RGS7: variants seen among roughly 807,000 people sequenced by gnomAD.
RGS7 encodes regulator of G protein signaling 7, also known as regulator of G-protein signaling 7.
In RGS7, 27 loss-of-function variants were observed where a neutral mutation model predicts 81.1. The observed-to-expected ratio is 0.33, with a 90% CI of 0.25 to 0.46. RGS7 has a LOEUF of 0.46. RGS7 is among the 20% of genes least tolerant of loss of function. The probability of loss-of-function intolerance (pLI) is 1.00; values close to 1 mark genes in which losing one functional copy is unlikely to be tolerated. For missense variants in RGS7, 396 were observed against 607.4 expected, an observed-to-expected ratio of 0.65 and a Z score of 3.66; for synonymous variants, 208 against 207.7, an observed-to-expected ratio of 1.00 and a Z score of -0.01.
At chr1:240,927,191 C>G (rs1674598675) in intron 6 of RGS7, among the ~76,000 whole-genome samples, 1 of 152,094 alleles carries the variant, frequency 6.6e-6, no homozygotes, top group African/African-American at 2.4e-5. Flanking sequence ...CTCGGCCTCC[C>G]AAGTAGCTGG....
intron 2 of RGS7, among the ~76,000 whole-genome samples, chr1:241,217,124 TA>T (rs764887239): frequency 4.6e-5 from 7 of 152,246 alleles, no homozygotes; most frequent in Middle Eastern, 3.4e-3. Flanking sequence ...AATGAGGTCA[TA>T]GGGGTGGGGC....
rs535866075 is a variant in RGS7, at chr1:241,335,382, A to C, written c.78+20317T>G. On this transcript the variant is annotated intron_variant, in intron 2 of 18. Transcript: ENST00000440928. ...TCTGTGGGCAATTCAATGGATGTTTAATGATTCTGGAATTGGAGAAAAAAC... is the reference window on the plus strand; with the variant it reads ...TCTGTGGGCAATTCAATGGATGTTTCATGATTCTGGAATTGGAGAAAAAAC... Among the ~76,000 whole-genome samples, 15 of 152,114 alleles carry C rather than the reference A, an allele frequency of 9.9e-5. No homozygotes were observed. In the East Asian group the frequency reaches 2.9e-3, roughly 29 times the overall value.
intron 2 of RGS7, among the ~76,000 whole-genome samples, chr1:241,252,337 C>T (rs2076874114): frequency 6.6e-6 from 1 of 152,150 alleles, no homozygotes; most frequent in South Asian, 2.1e-4. Context: ...AGCCACAGCG[C>T]CGGACCTTGA....
intron 2 of RGS7, among the ~76,000 whole-genome samples, chr1:241,183,750 A>G (rs2071840830): frequency 1.3e-5 from 2 of 152,240 alleles, no homozygotes. Context: ...GGCTCTATGT[A>G]GTAAAACAGT....
At chr1:240,809,140 T>C (rs890358210) in intron 14 of RGS7, among the ~76,000 whole-genome samples, 1 of 152,202 alleles carries the variant, frequency 6.6e-6, no homozygotes, top group Non-Finnish European at 1.5e-5. Context: ...CTCATGATAT[T>C]ACTATGTTTT....
intron 6 of RGS7, among the ~76,000 whole-genome samples, chr1:240,885,686 A>G (rs2148115646): frequency 6.6e-6 from 1 of 152,286 alleles, no homozygotes; most frequent in South Asian, 2.1e-4. Context: ...TATAAGTGGG[A>G]GCTAAATGAT....
chr1:241,176,325 A>G (rs1349452441), intron 2 of RGS7, among the ~76,000 whole-genome samples: 1 of 152,198 alleles, frequency 6.6e-6, no homozygotes, highest in East Asian at 1.9e-4. Flanking sequence ...TGAGCTTTGG[A>G]AAGACCGAAG....
intron 2 of RGS7, among the ~76,000 whole-genome samples, chr1:241,277,306 A>C (rs1292781586): frequency 1.3e-5 from 2 of 152,268 alleles, no homozygotes; most frequent in East Asian, 3.9e-4. Context: ...CTTTATGTAA[A>C]CATTAGTTTG....
intron 3 of RGS7, among the ~76,000 whole-genome samples, chr1:241,011,487 C>T (rs1048985805): frequency 2.0e-5 from 3 of 152,150 alleles, no homozygotes; most frequent in Non-Finnish European, 4.4e-5. Flanking sequence ...ATTAAGTTGT[C>T]TGCTGGGGGC....
rs1465451983 is a variant in RGS7 at position 240,868,100 on chromosome 1, AAAG to A, written c.609+484_609+486del. ...AAAGAAAGAAAAAGAAAGAAAAGAA[AAAG>A]AAAGAAAAGAAAAGGAAAGAAAGAA... On this transcript the variant is annotated intron_variant, in intron 9 of 18. Transcript: ENST00000440928. This position sits in a 1 kb window ranked among gnomAD's most constrained non-coding sequence, Gnocchi z 5.1. Among the ~76,000 whole-genome samples, 1 of 144,114 alleles carries A rather than the reference AAAG, an allele frequency of 6.9e-6. No homozygotes were observed. Among genetic ancestry groups the A allele is most frequent in the Non-Finnish European group, 1.5e-5 (1 of 66,934 alleles). The allele number at this position is 144,114 out of a possible 152,430, so 94.5% of individuals were successfully genotyped here.
intron 2 of RGS7, among the ~76,000 whole-genome samples, chr1:241,153,545 A>G (rs1332571869): frequency 6.6e-6 from 1 of 152,212 alleles, no homozygotes; most frequent in Non-Finnish European, 1.5e-5. Flanking sequence ...GCTCCTCCAG[A>G]AAGACATTCC....
chr1:241,300,330 A>G (rs769975608), intron 2 of RGS7, among the ~76,000 whole-genome samples: 7 of 152,176 alleles, frequency 4.6e-5, no homozygotes, highest in Non-Finnish European at 1.0e-4. Flanking sequence ...TTGGTGTTAT[A>G]TATTCTATGG....
chr1:240,973,750 C>T (rs909341794), intron 4 of RGS7, among the ~76,000 whole-genome samples: 6 of 151,840 alleles, frequency 4.0e-5, no homozygotes, highest in Non-Finnish European at 5.9e-5. Flanking sequence ...CCACCGCGCC[C>T]GGCTAATTTT....
chr1:240,919,781 G>C (rs1673200341), intron 6 of RGS7: 5 of 708,592 alleles, frequency 7.1e-6, no homozygotes, highest in Non-Finnish European at 1.3e-5. Context: ...TGGACTGTGT[G>C]GTAATGAGAG....
intron 3 of RGS7, among the ~76,000 whole-genome samples, chr1:241,069,275 G>C (rs2062283442): frequency 6.6e-6 from 1 of 152,134 alleles, no homozygotes; most frequent in Non-Finnish European, 1.5e-5. Context: ...GTATAAATAA[G>C]AAATTAGCAA....
At chr1:240,810,610 T>C (rs1018863580) in intron 14 of RGS7, among the ~76,000 whole-genome samples, 3 of 151,748 alleles carry the variant, frequency 2.0e-5, no homozygotes, top group Admixed American at 2.0e-4. Flanking sequence ...CCATGCCCGG[T>C]TAATTTTAAT....
At position 240,987,352 on chromosome 1, in the gene RGS7, C is replaced by T. The variant is rs574362177; in HGVS notation, c.176-4223G>A. On this transcript the variant is annotated intron_variant, in intron 3 of 18. Coordinates refer to ENST00000440928, the MANE Select transcript of RGS7 (RefSeq NM_001364886.1). ...GCGCAAATTATTCCTGAGGCAAAGA[C>T]GCTGACCTTTGCAATGTTTCTCTTT... Among the ~76,000 whole-genome samples, 126 of 152,232 alleles carry T rather than the reference C, an allele frequency of 8.3e-4. 2 individuals are homozygous for T. Among genetic ancestry groups the T allele is most frequent in the African/African-American group, 2.7e-3 (111 of 41,562 alleles).
Position 241,035,611 on chromosome 1 carries a change from C to T in RGS7, c.176-52482G>A, listed in dbSNP as rs184991413. Among the ~76,000 whole-genome samples the T allele has an allele frequency of 2.6e-5, 4 of 152,202 alleles. No individual in the cohort carries two copies. The East Asian group carries it at 7.7e-4, about 29-fold the overall frequency. ...TCAACTTATTTGATCACCAATACTG[C>T]CATTGCCATCAGCATCACCATTACC... On this transcript the variant is annotated intron_variant, in intron 3 of 18. Transcript: ENST00000440928.
intron 3 of RGS7, among the ~76,000 whole-genome samples, chr1:241,033,097 T>G (rs1284866215): frequency 2.0e-5 from 3 of 152,230 alleles, no homozygotes; most frequent in Non-Finnish European, 4.4e-5. Context: ...AGCTCACGCC[T>G]GCAACCCCAG....
Sources: gnomAD v4.1 joint callset for allele counts (sites outside exome capture counted in the v4.1 genomes callset) on GRCh38, gnomAD v4.1.1 for gene constraint, Gnocchi (gnomAD v3.1) non-coding constraint, MANE v1.5 for transcripts, NCBI Gene and HGNC (gene_info 2026-07-23, HGNC 2026-07-21) for gene names.